ADAMTS19: variants seen among roughly 807,000 people sequenced by gnomAD.
The protein encoded by ADAMTS19 is ADAM metallopeptidase with thrombospondin type 1 motif 19.
A neutral mutation model predicts 153.3 loss-of-function variants in ADAMTS19; 93 were observed. The ratio of observed to expected loss-of-function variants is 0.61; its 90% CI spans 0.51 to 0.72. The LOEUF is 0.72. Ranked by LOEUF, ADAMTS19 falls within the 30% of genes least tolerant of loss-of-function variation. ADAMTS19 has a pLI of 0.00. For missense variants in ADAMTS19, 1,482 were observed against 1,552.1 expected (o/e 0.95, Z 0.76); for synonymous variants, 600 against 556.6 (o/e 1.08, Z -1.10).
At chr5:129,691,340 C>T (rs1755326505) in intron 18 of ADAMTS19, among the ~76,000 whole-genome samples, 2 of 152,150 alleles carry the variant, frequency 1.3e-5, no homozygotes, top group Admixed American at 1.3e-4. Context: ...TGAAGTTAAT[C>T]ACCATAAAGC....
intron 7 of ADAMTS19, among the ~76,000 whole-genome samples, chr5:129,554,338 G>T (rs185971250): frequency 1.3e-5 from 2 of 152,276 alleles, no homozygotes; most frequent in Admixed American, 1.3e-4. Flanking sequence ...ATGGGGTTGG[G>T]TTATGATTAG....
intron 21 of ADAMTS19, among the ~76,000 whole-genome samples, chr5:129,710,927 C>A (rs933877730): frequency 1.3e-5 from 2 of 151,964 alleles, no homozygotes; most frequent in African/African-American, 4.8e-5. Flanking sequence ...CAAAAATTAC[C>A]AGAACCAAAA....
intron 3 of ADAMTS19, among the ~76,000 whole-genome samples, chr5:129,514,658 T>G (rs186244664): frequency 6.6e-6 from 1 of 152,238 alleles, no homozygotes; most frequent in East Asian, 1.9e-4. Context: ...CCTACAGAGT[T>G]GTTTGAGCTA....
chr5:129,697,861 AAC>A (rs1254584605), intron 19 of ADAMTS19, among the ~76,000 whole-genome samples: 15 of 152,346 alleles, frequency 9.8e-5, no homozygotes, highest in African/African-American at 3.6e-4. Flanking sequence ...AATACTTCAA[AAC>A]ACAATTTGTT....
Position 129,694,802 on chromosome 5 carries a change from A to G in ADAMTS19, c.2901A>G (p.Leu967=). The part of the protein sequence containing the change: ...SIVDNEKCKY[L]TKPEPQIRKC... ...TGGACAATGAGAAATGCAAATACTT[A>G]ACCAAGCCAGAGCCACAGATTCGAA... The change falls in exon 19 of 23, where the codon TTA becomes TTG. Residue 967 remains leucine, a synonymous_variant. Coordinates refer to ENST00000274487, the MANE Select transcript of ADAMTS19 (RefSeq NM_133638.6). The G allele has an allele frequency of 6.2e-7, 1 of 1,607,366 alleles. No homozygotes were observed. Among genetic ancestry groups the G allele is most frequent in the Non-Finnish European group, 8.5e-7 (1 of 1,176,600 alleles).
chr5:129,532,486 G>C (rs556614494), intron 6 of ADAMTS19, among the ~76,000 whole-genome samples: 1 of 152,238 alleles, frequency 6.6e-6, no homozygotes, highest in South Asian at 2.1e-4. Context: ...CTCCTCAGTT[G>C]TTGGTGGGAT....
intron 7 of ADAMTS19, among the ~76,000 whole-genome samples, chr5:129,596,138 T>C (rs1750364269): frequency 6.6e-6 from 1 of 152,074 alleles, no homozygotes; most frequent in Non-Finnish European, 1.5e-5. Flanking sequence ...TCAAGACTGC[T>C]TTATATGTAG....
At chr5:129,556,292 C>A (rs1039842607) in intron 7 of ADAMTS19, among the ~76,000 whole-genome samples, 6 of 152,136 alleles carry the variant, frequency 3.9e-5, no homozygotes, top group Non-Finnish European at 7.4e-5. Flanking sequence ...GGATTCATTT[C>A]ACAATGAATG....
At chr5:129,493,004 T>C (rs1193519322) in intron 2 of ADAMTS19, among the ~76,000 whole-genome samples, 1 of 152,160 alleles carries the variant, frequency 6.6e-6, no homozygotes, top group East Asian at 1.9e-4. Context: ...ATCTTCTCTA[T>C]ATATTTTTCT....
At chr5:129,565,171 C>T (rs1042773002) in intron 7 of ADAMTS19, among the ~76,000 whole-genome samples, 1 of 152,146 alleles carries the variant, frequency 6.6e-6, no homozygotes, top group African/African-American at 2.4e-5. Context: ...ATTATTTAAT[C>T]TCCCAATAAT....
At chr5:129,488,950 C>T (rs1750681176) in intron 2 of ADAMTS19, among the ~76,000 whole-genome samples, 1 of 152,050 alleles carries the variant, frequency 6.6e-6, no homozygotes, top group African/African-American at 2.4e-5. Flanking sequence ...GCCCAATTGG[C>T]TTCAGTTTTC....
intron 15 of ADAMTS19, among the ~76,000 whole-genome samples, chr5:129,664,718 TTAATA>T (rs1454476502): frequency 6.6e-6 from 1 of 152,070 alleles, no homozygotes; most frequent in African/African-American, 2.4e-5. Context: ...GAACAATATT[TTAATA>T]TAATTGGAAA....
At chr5:129,623,773 A>C (rs895339499) in intron 10 of ADAMTS19, among the ~76,000 whole-genome samples, 3 of 152,054 alleles carry the variant, frequency 2.0e-5, no homozygotes, top group African/African-American at 7.2e-5. Context: ...CAAATGATTT[A>C]GAATTAAAAT....
chr5:129,640,451 T>G (rs1752741457), intron 10 of ADAMTS19, among the ~76,000 whole-genome samples: 1 of 152,228 alleles, frequency 6.6e-6, no homozygotes, highest in Admixed American at 6.5e-5. Flanking sequence ...CTAATAGATT[T>G]GGGTCATAAG....
At chr5:129,683,739 C>A (rs1197097518) in intron 17 of ADAMTS19, among the ~76,000 whole-genome samples, 1 of 151,318 alleles carries the variant, frequency 6.6e-6, no homozygotes, top group Non-Finnish European at 1.5e-5. Flanking sequence ...AACACATACT[C>A]CTGCCGCCAC....
At chr5:129,631,026 T>C (rs1752260661) in intron 10 of ADAMTS19, among the ~76,000 whole-genome samples, 1 of 151,962 alleles carries the variant, frequency 6.6e-6, no homozygotes, top group Non-Finnish European at 1.5e-5. Flanking sequence ...CATAAAGACC[T>C]ACATTTGCAT....
intron 8 of ADAMTS19, among the ~76,000 whole-genome samples, chr5:129,599,880 T>C (rs181427943): frequency 2.6e-4 from 40 of 152,260 alleles, no homozygotes; most frequent in Non-Finnish European, 5.3e-4. Flanking sequence ...ATGTGATATA[T>C]GTTAAACTAC....
At chr5:129,629,913 G>A (rs955693575) in intron 10 of ADAMTS19, among the ~76,000 whole-genome samples, 3 of 152,016 alleles carry the variant, frequency 2.0e-5, no homozygotes, top group Non-Finnish European at 2.9e-5. Flanking sequence ...AAGTGGCCCC[G>A]TAGGAGTTAA....
intron 21 of ADAMTS19, among the ~76,000 whole-genome samples, chr5:129,733,459 A>G (rs184496358): frequency 6.6e-6 from 1 of 151,740 alleles, no homozygotes; most frequent in East Asian, 1.9e-4. Context: ...AACTCAACAA[A>G]CAAAAAAACA....
Sources: allele counts gnomAD v4.1 joint callset (sites outside exome capture counted in the v4.1 genomes callset), GRCh38; gene constraint gnomAD v4.1.1; transcripts MANE v1.5; gene names NCBI Gene and HGNC (gene_info 2026-07-23, HGNC 2026-07-21).